Variants in MGAT4C observed in about 807,000 individuals in gnomAD.
MGAT4C encodes the protein MGAT4 family member C, also known as alpha-1,3-mannosyl-glycoprotein 4-beta-N-acetylglucosaminyltransferase C.
MGAT4C carries 19 observed loss-of-function variants against 40.1 expected under a neutral mutation model. The observed-to-expected ratio is 0.47, with a 90% CI of 0.33 to 0.70. MGAT4C has a LOEUF of 0.70. Ranked by LOEUF, MGAT4C falls within the 30% of genes least tolerant of loss-of-function variation. MGAT4C has a pLI of 0.02. For synonymous variants in MGAT4C, 181 were observed against 187.1 expected (o/e 0.97, Z 0.27); for missense variants, 491 against 563.2 (o/e 0.87, Z 1.30).
intron 3 of MGAT4C, among the ~76,000 whole-genome samples, chr12:86,416,828 T>C (rs1362186739): frequency 3.3e-5 from 5 of 152,146 alleles, no homozygotes; most frequent in Non-Finnish European, 7.4e-5. Context: ...TGTAACTTCA[T>C]TTGGCATTAG....
intron 2 of MGAT4C, among the ~76,000 whole-genome samples, chr12:86,691,986 T>A (rs1481443975): frequency 1.3e-5 from 2 of 152,170 alleles, no homozygotes; most frequent in African/African-American, 2.4e-5. Flanking sequence ...AATTAAGATA[T>A]TGGTGAATTG....
At chr12:85,982,833 C>T (rs750742701) in intron 4 of MGAT4C, among the ~76,000 whole-genome samples, 6 of 152,044 alleles carry the variant, frequency 3.9e-5, no homozygotes, top group Non-Finnish European at 8.8e-5. Context: ...ACCATAAATT[C>T]AATAACTTGT....
chr12:86,643,654 C>T (rs1045455596), intron 2 of MGAT4C, among the ~76,000 whole-genome samples: 42 of 151,650 alleles, frequency 2.8e-4, no homozygotes, highest in African/African-American at 9.9e-4. Context: ...TTCATAGAAA[C>T]AGAAAGTAGG....
At chr12:86,438,932 A>G (rs1380508829) in intron 2 of MGAT4C, among the ~76,000 whole-genome samples, 1 of 151,974 alleles carries the variant, frequency 6.6e-6, no homozygotes, top group Non-Finnish European at 1.5e-5. Context: ...AAAAGATGTT[A>G]TAAGCTTAAA....
At chr12:86,802,514 A>G (rs1003210762) in intron 1 of MGAT4C, among the ~76,000 whole-genome samples, 12 of 152,054 alleles carry the variant, frequency 7.9e-5, no homozygotes, top group African/African-American at 1.9e-4. Flanking sequence ...AATATATAAT[A>G]CATCAAAAAT....
At chr12:86,653,249 A>G (rs1473728831) in intron 2 of MGAT4C, among the ~76,000 whole-genome samples, 3 of 151,898 alleles carry the variant, frequency 2.0e-5, no homozygotes, top group African/African-American at 4.8e-5. Flanking sequence ...TTCCAAGTAG[A>G]CAAGTGGTCC....
intron 2 of MGAT4C, among the ~76,000 whole-genome samples, chr12:86,644,025 A>G (rs1336562983): frequency 6.6e-6 from 1 of 151,718 alleles, no homozygotes; most frequent in Non-Finnish European, 1.5e-5. Context: ...ACATTTTTAT[A>G]GTTTTATTTA....
chr12:86,429,372 C>CCTTA (rs1375014791), intron 3 of MGAT4C, among the ~76,000 whole-genome samples: 1 of 152,004 alleles, frequency 6.6e-6, no homozygotes, highest in Non-Finnish European at 1.5e-5. Context: ...TTGCTTTGTA[C>CCTTA]CTTAGCATGT....
At chr12:86,441,832 C>G (rs1957234680) in intron 2 of MGAT4C, among the ~76,000 whole-genome samples, 1 of 152,050 alleles carries the variant, frequency 6.6e-6, no homozygotes, top group Admixed American at 6.6e-5. Flanking sequence ...TTTATAGAAG[C>G]ATGATTTATA....
chr12:86,043,515 C>T (rs568130335), intron 2 of MGAT4C, among the ~76,000 whole-genome samples: 163 of 152,264 alleles, frequency 1.1e-3, no homozygotes, highest in African/African-American at 3.7e-3. Context: ...CTTCTACCTG[C>T]TTTTATTCTA....
chr12:86,407,312 T>A (rs546509456), intron 3 of MGAT4C, among the ~76,000 whole-genome samples: 70 of 152,200 alleles, frequency 4.6e-4, no homozygotes, highest in African/African-American at 1.6e-3. Flanking sequence ...TAATCAAGCA[T>A]CTTTGCTCAG....
intron 3 of MGAT4C, among the ~76,000 whole-genome samples, chr12:86,352,278 T>C (rs1203010496): frequency 6.6e-6 from 1 of 152,064 alleles, no homozygotes; most frequent in Non-Finnish European, 1.5e-5. Context: ...TATTGATAAA[T>C]ACTTACTGAT....
intron 2 of MGAT4C, among the ~76,000 whole-genome samples, chr12:86,665,631 A>G (rs1314805583): frequency 2.6e-5 from 4 of 152,276 alleles, no homozygotes; most frequent in Admixed American, 6.5e-5. Flanking sequence ...TCGGCCTCCC[A>G]AAGTACGGGG....
intron 2 of MGAT4C, among the ~76,000 whole-genome samples, chr12:86,536,850 C>G (rs1453036111): frequency 6.6e-6 from 1 of 152,160 alleles, no homozygotes; most frequent in Admixed American, 6.5e-5. Context: ...CCATTTGACC[C>G]AGCCATCCCA....
At chr12:86,004,693 T>C (rs1565845600) in intron 2 of MGAT4C, among the ~76,000 whole-genome samples, 1 of 152,210 alleles carries the variant, frequency 6.6e-6, no homozygotes, top group African/African-American at 2.4e-5. Context: ...ATTATGGTTT[T>C]GTTTGACAGT....
At chr12:86,789,077 G>A (rs557342001) in intron 1 of MGAT4C, among the ~76,000 whole-genome samples, 5 of 152,156 alleles carry the variant, frequency 3.3e-5, no homozygotes, top group African/African-American at 1.2e-4. Flanking sequence ...AAGTAGGAAG[G>A]ACTCAGGATA....
chr12:86,559,414 C>G (rs987792821), intron 2 of MGAT4C, among the ~76,000 whole-genome samples: 1 of 151,676 alleles, frequency 6.6e-6, no homozygotes, highest in African/African-American at 2.4e-5. Flanking sequence ...ACATATTAGT[C>G]CACAAAAAAA....
At chr12:86,165,763 C>T (rs1334548352) in intron 1 of MGAT4C, among the ~76,000 whole-genome samples, 1 of 152,014 alleles carries the variant, frequency 6.6e-6, no homozygotes, top group East Asian at 1.9e-4. Flanking sequence ...CTTATTTTGA[C>T]ATGAAAAACA....
intron 4 of MGAT4C, among the ~76,000 whole-genome samples, chr12:86,277,716 T>C (rs2136114149): frequency 6.6e-6 from 1 of 152,258 alleles, no homozygotes; most frequent in East Asian, 1.9e-4. Context: ...GATTCATGGA[T>C]TTCTTTCTGG....
Sources: allele counts gnomAD v4.1 joint callset (sites outside exome capture counted in the v4.1 genomes callset), GRCh38; gene constraint gnomAD v4.1.1; transcripts MANE v1.5; gene names NCBI Gene and HGNC (gene_info 2026-07-23, HGNC 2026-07-21).